Variants in MAP2 observed in about 807,000 individuals in gnomAD.
MAP2 encodes the protein microtubule-associated protein 2.
MAP2 carries 14 observed loss-of-function variants against 137.6 expected under a neutral mutation model. The ratio of observed to expected loss-of-function variants is 0.10; its 90% CI spans 0.07 to 0.16. The LOEUF (loss-of-function observed/expected upper bound fraction) is 0.16. MAP2 is among the 10% of genes least tolerant of loss of function. The probability of loss-of-function intolerance (pLI) is 1.00; values close to 1 mark genes in which losing one functional copy is unlikely to be tolerated. For missense variants in MAP2, 2,088 were observed against 2,191.5 expected (o/e 0.95, Z 0.94); for synonymous variants, 786 against 782.3 (o/e 1.00, Z -0.08).
At chr2:209,488,868 C>T (rs575562756) in intron 1 of MAP2, among the ~76,000 whole-genome samples, 16 of 152,262 alleles carry the variant, frequency 1.1e-4, no homozygotes, top group Non-Finnish European at 1.5e-4. Flanking sequence ...CAGCTTCAGC[C>T]GACTTAAACG....
intron 1 of MAP2, among the ~76,000 whole-genome samples, chr2:209,496,117 A>G (rs1181653251): frequency 6.6e-6 from 1 of 152,176 alleles, no homozygotes; most frequent in East Asian, 1.9e-4. Context: ...TATGAATAAT[A>G]CAATGTCTAG....
At chr2:209,457,573 T>A (rs971635955) in intron 1 of MAP2, among the ~76,000 whole-genome samples, 17 of 152,178 alleles carry the variant, frequency 1.1e-4, no homozygotes, top group African/African-American at 3.9e-4. Flanking sequence ...ACTGCAACTC[T>A]TATGAGTTCT....
chr2:209,601,852 T>C (rs1325963516), intron 3 of MAP2, among the ~76,000 whole-genome samples: 1 of 152,218 alleles, frequency 6.6e-6, no homozygotes, highest in African/African-American at 2.4e-5. Flanking sequence ...TAATCTTGAT[T>C]TTTAAAGTCT....
chr2:209,687,710 T>A (rs2057487795), intron 7 of MAP2, among the ~76,000 whole-genome samples: 3 of 152,180 alleles, frequency 2.0e-5, no homozygotes, highest in Non-Finnish European at 2.9e-5. Context: ...CCTGTGTGTC[T>A]GTTTGTAGAT....
intron 11 of MAP2, among the ~76,000 whole-genome samples, chr2:209,703,402 A>G (rs571723602): frequency 6.6e-6 from 1 of 152,100 alleles, no homozygotes; most frequent in Non-Finnish European, 1.5e-5. Flanking sequence ...TGTACACCTT[A>G]AAGGCTGTGT....
intron 3 of MAP2, among the ~76,000 whole-genome samples, chr2:209,620,127 T>G (rs1432013456): frequency 6.6e-6 from 1 of 152,166 alleles, no homozygotes; most frequent in African/African-American, 2.4e-5. Context: ...ATAACCTTTA[T>G]TGTGTAAAGC....
intron 5 of MAP2, among the ~76,000 whole-genome samples, chr2:209,655,948 T>A (rs140832647): frequency 1.3e-5 from 2 of 152,304 alleles, no homozygotes; most frequent in East Asian, 3.9e-4. Flanking sequence ...AAAATAATAT[T>A]TTCTCCAAGT....
chr2:209,532,832 C>T (rs2065329870), intron 2 of MAP2, among the ~76,000 whole-genome samples: 1 of 152,156 alleles, frequency 6.6e-6, no homozygotes, highest in African/African-American at 2.4e-5. Flanking sequence ...AATTAGCCAA[C>T]AAATTTGATG....
intron 13 of MAP2, among the ~76,000 whole-genome samples, chr2:209,713,250 T>A (rs2066139895): frequency 6.6e-6 from 1 of 152,224 alleles, no homozygotes; most frequent in African/African-American, 2.4e-5. Context: ...TAAAGATATA[T>A]GCATCTTAGG....
chr2:209,696,684 T>C lies in MAP2; in HGVS notation c.4323T>C (p.Pro1441=), dbSNP rs914402668. The C allele has an allele frequency of 6.2e-7, 1 of 1,613,968 alleles. No individual in the cohort carries two copies. The highest frequency in any genetic ancestry group is 8.5e-7 in the Non-Finnish European group (1 of 1,179,958). ...CCGGGAGAGGCAGAATTTCCACTCC[T>C]GAAAGAAAAGTAGCTAAAAAGGAAC... is the stretch of plus-strand genomic sequence containing the variant. The part of the protein sequence containing the change: ...FKTGRGRIST[P]ERKVAKKEPS... Residue 1441 remains proline, a synonymous_variant, in exon 9 of 16, where the codon CCT becomes CCC. Coordinates refer to ENST00000682079, the MANE Select transcript of MAP2 (RefSeq NM_001375505.1).
At chr2:209,454,867 TTG>T (rs1476550579) in intron 1 of MAP2, among the ~76,000 whole-genome samples, 1 of 152,136 alleles carries the variant, frequency 6.6e-6, no homozygotes, top group Admixed American at 6.5e-5. Context: ...ATACCATAGA[TTG>T]TGTGTCTTAA....
intron 2 of MAP2, among the ~76,000 whole-genome samples, chr2:209,572,292 A>G (rs1288414414): frequency 1.3e-5 from 2 of 152,116 alleles, no homozygotes; most frequent in African/African-American, 4.8e-5. Flanking sequence ...CACAGTGACT[A>G]TGTCAAAGAT....
Position 209,438,350 on chromosome 2 carries a change from A to T in MAP2, c.-222+14074A>T, listed in dbSNP as rs374081677. Among the ~76,000 whole-genome samples, 8 of 151,718 alleles carry T rather than the reference A, an allele frequency of 5.3e-5. No individual in the cohort carries two copies. The South Asian group carries it at 1.7e-3, about 31-fold the overall frequency. Reference sequence around the variant, plus strand: ...TCAGTAAATTGCTTAGGGTTCCTGTATTATGCAGGGTTATTTTTTGCATTA... The same window carrying T: ...TCAGTAAATTGCTTAGGGTTCCTGTTTTATGCAGGGTTATTTTTTGCATTA... On this transcript the variant is annotated intron_variant, in intron 1 of 15. Transcript: ENST00000682079.
intron 3 of MAP2, among the ~76,000 whole-genome samples, chr2:209,594,135 A>G (rs1289531547): frequency 1.2e-3 from 2 of 1,638 alleles, no homozygotes; most frequent in Admixed American, 0.028. Context: ...GTAACAGATG[A>G]AAAAAAAAAA....
intron 11 of MAP2, among the ~76,000 whole-genome samples, chr2:209,702,507 T>A (rs567486548): frequency 1.1e-3 from 166 of 152,028 alleles, no homozygotes; most frequent in Middle Eastern, 6.8e-3. Flanking sequence ...AACTTAAAAA[T>A]TTTTTTTCTA....
intron 1 of MAP2, among the ~76,000 whole-genome samples, chr2:209,447,031 G>T (rs935876552): frequency 6.6e-6 from 1 of 151,880 alleles, no homozygotes; most frequent in Non-Finnish European, 1.5e-5. Context: ...GCTGCAGCTT[G>T]CCACAACCCA....
At chr2:209,719,201 T>C (rs78433064) in intron 13 of MAP2, among the ~76,000 whole-genome samples, 2,496 of 152,256 alleles carry the variant, frequency 0.016, 35 homozygotes, top group Non-Finnish European at 0.026. Flanking sequence ...GCATTCTTTC[T>C]GATACAACTC....
chr2:209,488,680 G>A (rs1347145530), intron 1 of MAP2, among the ~76,000 whole-genome samples: 2 of 152,146 alleles, frequency 1.3e-5, no homozygotes, highest in African/African-American at 4.8e-5. Context: ...AGGCAGTTTG[G>A]ACTGGGCAGA....
intron 3 of MAP2, among the ~76,000 whole-genome samples, chr2:209,587,417 T>C (rs1316859927): frequency 6.6e-6 from 1 of 152,146 alleles, no homozygotes; most frequent in Non-Finnish European, 1.5e-5. Flanking sequence ...ACTGTTTTGG[T>C]TGGTGACAGC....
Sources: gnomAD v4.1 joint callset for allele counts (sites outside exome capture counted in the v4.1 genomes callset) on GRCh38, gnomAD v4.1.1 for gene constraint, MANE v1.5 for transcripts, NCBI Gene and HGNC (gene_info 2026-07-23, HGNC 2026-07-21) for gene names.